Variants in PPP2R3B observed in about 807,000 individuals in gnomAD.
The protein encoded by PPP2R3B is protein phosphatase 2 regulatory subunit B''beta.
Under a neutral mutation model 72.9 loss-of-function variants are expected in PPP2R3B, and 68 were observed. The ratio of observed to expected loss-of-function variants is 0.93; its 90% CI spans 0.77 to 1.14. The LOEUF (loss-of-function observed/expected upper bound fraction) is 1.14. Among genes scored for constraint, PPP2R3B ranks in the 50% most tolerant of loss-of-function variants. PPP2R3B has a pLI of 0.00. For synonymous variants in PPP2R3B, 466 were observed against 375.8 expected (o/e 1.24, Z -2.78); for missense variants, 1,018 against 842.0 (o/e 1.21, Z -2.59).
intron 1 of PPP2R3B, among the ~76,000 whole-genome samples, chrX:363,560 A>ATC: frequency 7.0e-6 from 1 of 143,184 alleles, no homozygotes; most frequent in Non-Finnish European, 1.5e-5. Context: ...CCCGCAGTGC[A>ATC]TCTCCATGAG....
At chrX:378,218 G>A (rs1312110435) in intron 1 of PPP2R3B, among the ~76,000 whole-genome samples, 3 of 152,260 alleles carry the variant, frequency 2.0e-5, no homozygotes, top group Non-Finnish European at 4.4e-5. Context: ...CACGGCACCC[G>A]AATCTCCACC....
chrX:345,743 C>A (rs2071190181), intron 6 of PPP2R3B, 71 bp from the exon 7 acceptor site: 7 of 805,620 alleles, frequency 8.7e-6, no homozygotes, highest in South Asian at 1.9e-5. Flanking sequence ...TGGCTGCGGG[C>A]GGGGCAGGGA....
intron 4 of PPP2R3B, among the ~76,000 whole-genome samples, 177 bp downstream of exon 4, chrX:347,057 G>C (rs1166492547): frequency 6.7e-6 from 1 of 149,702 alleles, no homozygotes; most frequent in African/African-American, 2.5e-5. Context: ...CCTCCCATGA[G>C]GGATGAGGCA....
At chrX:368,013 T>C (rs1004478840) in intron 1 of PPP2R3B, among the ~76,000 whole-genome samples, 7 of 152,190 alleles carry the variant, frequency 4.6e-5, no homozygotes, top group African/African-American at 1.7e-4. Flanking sequence ...GCTAACTTTA[T>C]CCATGCCTGA....
At chrX:386,127 C>G (rs1603153667) in intron 1 of PPP2R3B, among the ~76,000 whole-genome samples, 1 of 151,922 alleles carries the variant, frequency 6.6e-6, no homozygotes, top group Non-Finnish European at 1.5e-5. Flanking sequence ...AAATAGGAAG[C>G]CTTTCTACCT....
intron 1 of PPP2R3B, among the ~76,000 whole-genome samples, chrX:369,359 G>A (rs4906975): frequency 0.36 from 55,393 of 151,914 alleles, 10,182 homozygotes; most frequent in Non-Finnish European, 0.38. Flanking sequence ...CACCCAAAGC[G>A]CACTGATAAA....
chrX:369,574 C>T (rs1382134985), intron 1 of PPP2R3B, among the ~76,000 whole-genome samples: 2 of 152,232 alleles, frequency 1.3e-5, no homozygotes, highest in Admixed American at 6.5e-5. Flanking sequence ...GAAGTGCGTG[C>T]GCTTGATGGG....
chrX:357,913 C>T (rs948990128), intron 2 of PPP2R3B, among the ~76,000 whole-genome samples: 3 of 152,128 alleles, frequency 2.0e-5, no homozygotes, highest in African/African-American at 7.2e-5. Flanking sequence ...CAGGAAGAAC[C>T]GGGCCAGGAG....
chrX:344,888 C>T (rs1307947782), intron 7 of PPP2R3B: 15 of 337,698 alleles, frequency 4.4e-5, no homozygotes, highest in Middle Eastern at 1.1e-3. Context: ...ACAGATGCCA[C>T]CGTAATTCGG....
intron 2 of PPP2R3B, 108 bp downstream of exon 2, chrX:361,297 C>T (rs893935173): frequency 1.3e-4 from 163 of 1,242,640 alleles, no homozygotes; most frequent in African/African-American, 1.6e-4. Context: ...TCGGCCGTGC[C>T]GCCTCACTCA....
At chrX:364,541 A>T (rs1379108086) in intron 1 of PPP2R3B, among the ~76,000 whole-genome samples, 1 of 151,528 alleles carries the variant, frequency 6.6e-6, no homozygotes, top group Non-Finnish European at 1.5e-5. Flanking sequence ...AAAACAGAAA[A>T]CAAAAAACAA....
chrX:363,481 GAGCCCAGCA>G (rs1569403874), intron 1 of PPP2R3B, among the ~76,000 whole-genome samples: 1 of 136,154 alleles, frequency 7.3e-6, no homozygotes, highest in African/African-American at 2.8e-5. Flanking sequence ...GCATCTCCCC[GAGCCCAGCA>G]TCCCACAATG....
At chrX:345,392 G>A (rs750623782) in intron 7 of PPP2R3B, 124 bp downstream of exon 7, 4 of 1,330,874 alleles carry the variant, frequency 3.0e-6, no homozygotes, top group African/African-American at 2.9e-5. Context: ...CGAGTGCGAA[G>A]GAGAGGCAGC....
At chrX:375,033 C>A (rs1417477908) in intron 1 of PPP2R3B, among the ~76,000 whole-genome samples, 3 of 152,164 alleles carry the variant, frequency 2.0e-5, no homozygotes, top group Non-Finnish European at 4.4e-5. Flanking sequence ...CAACCTTCCA[C>A]ACCACCTCTG....
Position 386,493 on chromosome X carries a change from G to T in PPP2R3B, c.199C>A (p.Arg67=), listed in dbSNP as rs781140724. 27 of 1,287,900 alleles carry T rather than the reference G, an allele frequency of 2.1e-5. No individual in the cohort carries two copies. Among genetic ancestry groups the T allele is most frequent in the East Asian group, 1.9e-4 (6 of 31,528 alleles). The allele number at this position is 1,287,900 out of a possible 1,614,324, so 79.8% of individuals were successfully genotyped here. ...AWPTAPLAAP[R]PSGLEPPGTP... Reference sequence around the variant, plus strand: ...CCCGGGGGTTCGAGCCCGCTGGGCCGGGGGGCGGCGAGCGGGGCTGTGGGC... The same window carrying T: ...CCCGGGGGTTCGAGCCCGCTGGGCCTGGGGGCGGCGAGCGGGGCTGTGGGC... Residue 67 remains arginine (R), a synonymous_variant, in exon 1 of 13, where the codon CGG becomes AGG. Transcript: ENST00000390665.
chrX:357,231 G>A (rs2738329), intron 2 of PPP2R3B, among the ~76,000 whole-genome samples: 23,464 of 151,990 alleles, frequency 0.15, 2,046 homozygotes, highest in Admixed American at 0.23. Context: ...TGGGACACCC[G>A]CGGCAGGTGA....
chrX:363,868 C>T (rs1391996301), intron 1 of PPP2R3B, among the ~76,000 whole-genome samples: 2 of 152,252 alleles, frequency 1.3e-5, no homozygotes, highest in Non-Finnish European at 2.9e-5. Flanking sequence ...GCAGTGAGCT[C>T]TCGGGCTCCT....
chrX:384,237 C>T (rs1042379798), intron 1 of PPP2R3B, among the ~76,000 whole-genome samples: 7 of 151,430 alleles, frequency 4.6e-5, no homozygotes, highest in Non-Finnish European at 8.8e-5. Flanking sequence ...CTTATCTTGG[C>T]CTCAAGCTCG....
chrX:363,520 T>A (rs1338546859), intron 1 of PPP2R3B, among the ~76,000 whole-genome samples: 1 of 140,798 alleles, frequency 7.1e-6, no homozygotes, highest in Non-Finnish European at 1.5e-5. Context: ...GAGCCCGCGA[T>A]CCCGCAGTGC....
Sources: gnomAD v4.1 joint callset for allele counts (sites outside exome capture counted in the v4.1 genomes callset) on GRCh38, gnomAD v4.1.1 for gene constraint, MANE v1.5 for transcripts, NCBI Gene and HGNC (gene_info 2026-07-23, HGNC 2026-07-21) for gene names.